The following PDE4D variants were observed in gnomAD, a reference collection of about 807,000 sequenced individuals.
PDE4D encodes the protein 3',5'-cyclic-AMP phosphodiesterase 4D.
In PDE4D, 24 loss-of-function variants were observed where a neutral mutation model predicts 87.4. The ratio of observed to expected loss-of-function variants is 0.27; its 90% CI spans 0.20 to 0.39. The LOEUF (loss-of-function observed/expected upper bound fraction) is 0.39. Among genes scored for constraint, PDE4D ranks in the 10% least tolerant of loss-of-function variants. The probability of loss-of-function intolerance (pLI) is 1.00; values close to 1 mark genes in which losing one functional copy is unlikely to be tolerated. For missense variants in PDE4D, 714 were observed against 1,041.0 expected (o/e 0.69, Z 4.32); for synonymous variants, 384 against 383.2 (o/e 1.00, Z -0.02).
intron 1 of PDE4D, among the ~76,000 whole-genome samples, chr5:59,312,792 A>C (rs1436928780): frequency 6.6e-6 from 1 of 152,200 alleles, no homozygotes; most frequent in African/African-American, 2.4e-5. Context: ...AAGGAAAAGG[A>C]GAAATGCAGG....
At chr5:59,430,400 A>G in intron 1 of PDE4D, 1 of 1,231,318 alleles carries the variant, frequency 8.1e-7, no homozygotes, top group Admixed American at 4.2e-5. Flanking sequence ...AGGTACTCAC[A>G]GCTGCTTGGC....
At chr5:59,903,721 A>G (rs1313505039) in intron 3 of PDE4D, among the ~76,000 whole-genome samples, 1 of 152,160 alleles carries the variant, frequency 6.6e-6, no homozygotes, top group African/African-American at 2.4e-5. Context: ...TAACTCATCC[A>G]AGGACACACA....
chr5:59,258,770 A>G (rs1407287907), intron 1 of PDE4D, among the ~76,000 whole-genome samples: 1 of 149,420 alleles, frequency 6.7e-6, no homozygotes, highest in Non-Finnish European at 1.5e-5. Context: ...TAGAAATAGC[A>G]TATTTCTAAA....
chr5:58,977,150 T>G (rs1385816270), intron 12 of PDE4D, 41 bp downstream of exon 12: 11 of 1,553,552 alleles, frequency 7.1e-6, no homozygotes, highest in Non-Finnish European at 9.6e-6. Context: ...ATAAACAACT[T>G]GCATCACAGT....
intron 1 of PDE4D, among the ~76,000 whole-genome samples, chr5:60,216,275 A>G (rs1743842860): frequency 6.6e-6 from 1 of 152,146 alleles, no homozygotes; most frequent in African/African-American, 2.4e-5. Context: ...ATAGAGCCCC[A>G]GTTCTGAGAG....
At chr5:59,557,059 A>G (rs1353881555) in intron 1 of PDE4D, among the ~76,000 whole-genome samples, 1 of 152,198 alleles carries the variant, frequency 6.6e-6, no homozygotes, top group Non-Finnish European at 1.5e-5. Flanking sequence ...AATAAAAGGA[A>G]TACGAGTAAA....
At chr5:59,701,318 C>T (rs1245429981) in intron 1 of PDE4D, among the ~76,000 whole-genome samples, 1 of 152,208 alleles carries the variant, frequency 6.6e-6, no homozygotes, top group East Asian at 1.9e-4. Context: ...ACTCACTACA[C>T]ATTTTCCCTG....
chr5:59,165,828 C>T (rs528354757), intron 5 of PDE4D, among the ~76,000 whole-genome samples: 101 of 152,260 alleles, frequency 6.6e-4, no homozygotes, highest in Non-Finnish European at 8.8e-4. Context: ...TTAGCCAAGG[C>T]CCAGGACGCA....
chr5:59,985,475 C>T (rs148140153), intron 3 of PDE4D, among the ~76,000 whole-genome samples: 4 of 152,080 alleles, frequency 2.6e-5, no homozygotes, highest in African/African-American at 9.6e-5. Flanking sequence ...TCCAAAGCTT[C>T]GACATTCCAG....
chr5:59,350,937 T>A (rs1466978480), intron 1 of PDE4D, among the ~76,000 whole-genome samples: 3 of 152,326 alleles, frequency 2.0e-5, no homozygotes, highest in African/African-American at 7.2e-5. Context: ...GCCTGGGTTG[T>A]ATGTGCAAGT....
At chr5:59,823,793 A>ATT (rs151109305) in intron 1 of PDE4D, among the ~76,000 whole-genome samples, 1 of 142,050 alleles carries the variant, frequency 7.0e-6, no homozygotes, top group Admixed American at 7.2e-5. Context: ...TAACCCTTCC[A>ATT]TTTTTTTTTT....
intron 3 of PDE4D, among the ~76,000 whole-genome samples, chr5:59,924,698 A>T (rs1356783470): frequency 6.6e-6 from 1 of 152,200 alleles, no homozygotes; most frequent in African/African-American, 2.4e-5. Context: ...GACCTGTCCT[A>T]TAAGAAATGC....
At chr5:60,216,533 C>A (rs143946988) in intron 1 of PDE4D, among the ~76,000 whole-genome samples, 1 of 151,988 alleles carries the variant, frequency 6.6e-6, no homozygotes, top group Non-Finnish European at 1.5e-5. Flanking sequence ...TCCAACAATA[C>A]GCTATCTACA....
At chr5:59,668,194 C>T (rs1746391773) in intron 1 of PDE4D, among the ~76,000 whole-genome samples, 1 of 152,216 alleles carries the variant, frequency 6.6e-6, no homozygotes, top group South Asian at 2.1e-4. Flanking sequence ...ATAATACTTT[C>T]CCTGCCTCTG....
chr5:59,507,901 C>T (rs577468457), intron 1 of PDE4D, among the ~76,000 whole-genome samples: 38 of 152,186 alleles, frequency 2.5e-4, no homozygotes, highest in Non-Finnish European at 4.6e-4. Flanking sequence ...TTGCTGCTTA[C>T]ATGGGTATGT....
At chr5:59,999,045 T>G (rs984509) in intron 2 of PDE4D, among the ~76,000 whole-genome samples, 52,233 of 152,006 alleles carry the variant, frequency 0.34, 11,151 homozygotes, top group East Asian at 0.77. Flanking sequence ...CCAAAAAGTT[T>G]TATGAAAAGT....
At chr5:59,505,233 A>C (rs1157153450) in intron 1 of PDE4D, among the ~76,000 whole-genome samples, 1 of 152,192 alleles carries the variant, frequency 6.6e-6, no homozygotes, top group African/African-American at 2.4e-5. Flanking sequence ...AGAGTACAGA[A>C]CTGATGTTAT....
intron 1 of PDE4D, among the ~76,000 whole-genome samples, chr5:59,535,227 C>G (rs1561147336): frequency 6.6e-6 from 1 of 152,042 alleles, no homozygotes; most frequent in Non-Finnish European, 1.5e-5. Context: ...CTGTGAACCT[C>G]TAAAGCAGCG....
At chr5:59,465,486 G>A (rs1001520329) in intron 1 of PDE4D, among the ~76,000 whole-genome samples, 1 of 151,894 alleles carries the variant, frequency 6.6e-6, no homozygotes, top group African/African-American at 2.4e-5. Flanking sequence ...AAAATCTCCT[G>A]GTACTGTGTA....
Sources: gnomAD v4.1 joint callset for allele counts (sites outside exome capture counted in the v4.1 genomes callset) on GRCh38, gnomAD v4.1.1 for gene constraint, MANE v1.5 for transcripts, NCBI Gene and HGNC (gene_info 2026-07-23, HGNC 2026-07-21) for gene names.